The following PRCP variants were observed in gnomAD, a reference collection of about 807,000 sequenced individuals.
PRCP encodes prolylcarboxypeptidase, also known as lysosomal Pro-X carboxypeptidase.
Under a neutral mutation model 54.2 loss-of-function variants are expected in PRCP, and 46 were observed. The observed-to-expected ratio is 0.85, with a 90% CI of 0.67 to 1.09. The LOEUF (loss-of-function observed/expected upper bound fraction) is 1.09, where lower values mean the gene tolerates loss of function less well. PRCP is among the 50% of genes least tolerant of loss of function. The pLI is 0.00. For missense variants in PRCP, 613 were observed against 596.8 expected (o/e 1.03, Z -0.28); for synonymous variants, 240 against 212.2 (o/e 1.13, Z -1.14).
rs532022979 is a variant in PRCP, at chr11:82,878,199, A to T, written c.169-18082T>A. Reference sequence around the variant, plus strand: ...GTACCCACATTGTATCTAGGAAGTAACTAACTTGCTTTTGATTTTCTAGGC... The same window carrying T: ...GTACCCACATTGTATCTAGGAAGTATCTAACTTGCTTTTGATTTTCTAGGC... On this transcript the variant is annotated intron_variant, in intron 1 of 8. Transcript: ENST00000313010. 2.6e-5 allele frequency among the ~76,000 whole-genome samples: 4 copies of T among 152,326 alleles called. No individual in the cohort carries two copies. The South Asian group carries it at 8.3e-4, about 32-fold the overall frequency.
intron 6 of PRCP, among the ~76,000 whole-genome samples, chr11:82,841,581 G>A (rs2121107644): frequency 6.6e-6 from 1 of 152,274 alleles, no homozygotes; most frequent in South Asian, 2.1e-4. Flanking sequence ...TGCTGAATGT[G>A]AGAAAAGTCA....
chr11:82,873,808 A>C (rs774803020), intron 1 of PRCP, among the ~76,000 whole-genome samples: 1 of 152,246 alleles, frequency 6.6e-6, no homozygotes, highest in Non-Finnish European at 1.5e-5. Context: ...TTTTTTTATC[A>C]CATTGAAAAA....
intron 8 of PRCP, chr11:82,828,339 T>C (rs1858293757): frequency 6.6e-6 from 1 of 151,292 alleles, no homozygotes; most frequent in Non-Finnish European, 1.5e-5. Context: ...GCATAAGCTT[T>C]GGGATCAGAC....
At chr11:82,890,835 C>T (rs1242577919) in intron 1 of PRCP, among the ~76,000 whole-genome samples, 1 of 152,222 alleles carries the variant, frequency 6.6e-6, no homozygotes, top group African/African-American at 2.4e-5. Flanking sequence ...TACGGAAATG[C>T]TTTTTTCATT....
At chr11:82,853,448 T>C (rs1859007620) in intron 2 of PRCP, among the ~76,000 whole-genome samples, 170 bp from the exon 3 acceptor site, 1 of 152,256 alleles carries the variant, frequency 6.6e-6, no homozygotes, top group Non-Finnish European at 1.5e-5. Flanking sequence ...GATGTCTTAT[T>C]GTTGCATATC....
At chr11:82,893,268 T>C (rs1462619268) in intron 1 of PRCP, among the ~76,000 whole-genome samples, 1 of 152,234 alleles carries the variant, frequency 6.6e-6, no homozygotes, top group Non-Finnish European at 1.5e-5. Flanking sequence ...AGCCCCCTGC[T>C]CATTCAATTG....
At chr11:82,887,677 T>A (rs979712733) in intron 1 of PRCP, among the ~76,000 whole-genome samples, 1 of 152,172 alleles carries the variant, frequency 6.6e-6, no homozygotes, top group Non-Finnish European at 1.5e-5. Context: ...AGGCAGGTCA[T>A]AGAAACTAGG....
chr11:82,835,831 G>A (rs1256243280), intron 8 of PRCP: 3 of 503,956 alleles, frequency 6.0e-6, no homozygotes, highest in South Asian at 1.5e-5. Context: ...AACCAGAGGA[G>A]GACCTTGACA....
In PRCP at chr11:82,861,421, A is replaced by G. The variant is rs185670376; in HGVS notation, c.169-1304T>C. ...ATTCATATAGTATCAAAGTAATACA[A>G]TAGAGAATACTCGCTTGTCACAAGG... On this transcript the variant is annotated intron_variant, in intron 1 of 8. Transcript: ENST00000313010. Among the ~76,000 whole-genome samples the G allele has an allele frequency of 2.3e-4, 35 of 152,350 alleles. No individual in the cohort carries two copies. The East Asian group carries it at 6.4e-3, about 28-fold the overall frequency.
chr11:82,892,470 GATA>G (rs1424596887), intron 1 of PRCP, among the ~76,000 whole-genome samples: 1 of 151,978 alleles, frequency 6.6e-6, no homozygotes, highest in Admixed American at 6.6e-5. Flanking sequence ...TTGTTAAATA[GATA>G]ATAAAAATTT....
At chr11:82,839,156 T>C (rs1858598702) in intron 7 of PRCP, 105 bp downstream of exon 7, 9 of 1,223,668 alleles carry the variant, frequency 7.4e-6, no homozygotes, top group Non-Finnish European at 9.1e-6. Flanking sequence ...AGCCCAAAAC[T>C]GGATCCAGGT....
At chr11:82,870,575 A>G (rs1289579111) in intron 1 of PRCP, among the ~76,000 whole-genome samples, 3 of 152,220 alleles carry the variant, frequency 2.0e-5, no homozygotes, top group African/African-American at 7.2e-5. Context: ...TTTTTAGTCA[A>G]TGAAGTAAAG....
intron 8 of PRCP, chr11:82,835,660 T>C (rs1277202280): frequency 3.2e-6 from 1 of 311,756 alleles, no homozygotes; most frequent in Non-Finnish European, 6.3e-6. Context: ...ATGTAGAAGC[T>C]GATGAAGACG....
intron 1 of PRCP, among the ~76,000 whole-genome samples, chr11:82,892,326 G>C (rs1196427448): frequency 6.6e-6 from 1 of 152,096 alleles, no homozygotes; most frequent in Non-Finnish European, 1.5e-5. Flanking sequence ...AAAGAGTTTA[G>C]CATAATATTG....
chr11:82,845,053 T>C (rs1344769984), intron 6 of PRCP, among the ~76,000 whole-genome samples: 1 of 146,676 alleles, frequency 6.8e-6, no homozygotes, highest in Non-Finnish European at 1.5e-5. Context: ...AAAAAACAAC[T>C]GTAAAATAGT....
At chr11:82,873,955 C>T (rs1298442588) in intron 1 of PRCP, among the ~76,000 whole-genome samples, 1 of 152,186 alleles carries the variant, frequency 6.6e-6, no homozygotes, top group Non-Finnish European at 1.5e-5. Flanking sequence ...ATTCGCAGTC[C>T]TGATTTCACT....
intron 1 of PRCP, among the ~76,000 whole-genome samples, chr11:82,894,719 A>G (rs1364882076): frequency 1.3e-5 from 2 of 152,360 alleles, no homozygotes; most frequent in Admixed American, 1.3e-4. Flanking sequence ...TGAAAAACCT[A>G]AAGTTAATTT....
intron 1 of PRCP, among the ~76,000 whole-genome samples, chr11:82,881,742 G>A (rs1225991167): frequency 6.6e-6 from 1 of 152,164 alleles, no homozygotes; most frequent in African/African-American, 2.4e-5. Context: ...TGGTTTGGAT[G>A]TGAAGGTGAG....
intron 1 of PRCP, among the ~76,000 whole-genome samples, chr11:82,887,153 C>G (rs1859879539): frequency 1.3e-5 from 2 of 152,160 alleles, no homozygotes; most frequent in South Asian, 4.1e-4. Context: ...TAGTTCACTC[C>G]TAATCATCTT....
Sources: allele counts gnomAD v4.1 joint callset (sites outside exome capture counted in the v4.1 genomes callset), GRCh38; gene constraint gnomAD v4.1.1; transcripts MANE v1.5; gene names NCBI Gene and HGNC (gene_info 2026-07-23, HGNC 2026-07-21).